The following CHD7 variants were observed in gnomAD, a reference collection of about 807,000 sequenced individuals.
CHD7 encodes chromodomain helicase DNA binding protein 7.
A neutral mutation model predicts 307.3 loss-of-function variants in CHD7; 24 were observed. That is an observed-to-expected ratio of 0.08 (90% confidence interval 0.06 to 0.11). CHD7 has a LOEUF of 0.11. Among genes scored for constraint, CHD7 ranks in the 10% least tolerant of loss-of-function variants. The probability of loss-of-function intolerance (pLI) is 1.00; values close to 1 mark genes in which losing one functional copy is unlikely to be tolerated. For missense variants in CHD7, 3,106 were observed against 3,727.1 expected (o/e 0.83, Z 4.34); for synonymous variants, 1,363 against 1,349.9 (o/e 1.01, Z -0.21).
Position 60,781,206 on chromosome 8 carries a change from A to G in CHD7, c.1872A>G (p.Val624=), listed in dbSNP as rs1811210003. 6.3e-7 allele frequency: 1 copy of G among 1,598,176 alleles called. No homozygotes were observed. ...GTAAAGATGACTTCCCTGGTGGGGT[A>G]GATAACCAAGAACTAAATAGGAACT... ...GFGKDDFPGG[V]DNQELNRNSL... is the part of the protein sequence containing the mutation. Residue 624 remains valine, a synonymous_variant, in exon 3 of 38, where the codon GTA becomes GTG. Coordinates refer to ENST00000423902, the MANE Select transcript of CHD7 (RefSeq NM_017780.4).
intron 3 of CHD7, among the ~76,000 whole-genome samples, chr8:60,786,835 C>T (rs1025708892): frequency 1.3e-5 from 2 of 152,098 alleles, no homozygotes; most frequent in Non-Finnish European, 2.9e-5. Flanking sequence ...GCAGTTTGCA[C>T]CTGATATGTA....
At chr8:60,699,182 T>C (rs890915129) in intron 1 of CHD7, among the ~76,000 whole-genome samples, 2 of 152,250 alleles carry the variant, frequency 1.3e-5, no homozygotes, top group Non-Finnish European at 2.9e-5. Flanking sequence ...CAACTACCTA[T>C]AGAACATTTT....
chr8:60,688,180 G>A (rs912772240), intron 1 of CHD7, among the ~76,000 whole-genome samples: 2 of 152,200 alleles, frequency 1.3e-5, no homozygotes, highest in African/African-American at 4.8e-5. Context: ...TGTGGAGGTT[G>A]CCTTCTGAGG....
intron 2 of CHD7, among the ~76,000 whole-genome samples, chr8:60,749,972 G>A (rs1809552891): frequency 6.6e-6 from 1 of 152,162 alleles, no homozygotes; most frequent in Admixed American, 6.5e-5. Context: ...CAACAAGCTG[G>A]TTTATCCCAG....
chr8:60,855,899 C>A, intron 32 of CHD7, 76 bp from the exon 33 acceptor site: 1 of 954,458 alleles, frequency 1.0e-6, no homozygotes, highest in Non-Finnish European at 1.6e-6. Context: ...TCTTTTGCAT[C>A]TTGATGGATG....
rs1230929026 is a variant in CHD7, at chr8:60,712,286, CTG to C, written c.-174-28972_-174-28971del. On this transcript the variant is annotated intron_variant, in intron 1 of 37. Coordinates refer to ENST00000423902, the MANE Select transcript of CHD7 (RefSeq NM_017780.4). ...TATTATTTTTTGAAATGTTTGTTGA[CTG>C]AACTTCTACAGCTTAATCACGGAGG... Among the ~76,000 whole-genome samples, 3 of 152,252 alleles carry C rather than the reference CTG, an allele frequency of 2.0e-5. No homozygotes were observed. In the East Asian group the frequency reaches 5.8e-4, roughly 29 times the overall value.
At chr8:60,727,404 C>T (rs558755815) in intron 1 of CHD7, among the ~76,000 whole-genome samples, 46 of 152,316 alleles carry the variant, frequency 3.0e-4, no homozygotes, top group African/African-American at 9.6e-4. Flanking sequence ...GTTGAGATTA[C>T]AGGCATGAGC....
At position 60,865,363 on chromosome 8, in the gene CHD7, C is replaced by A. The variant is rs773594482; in HGVS notation, c.8424C>A (p.Asn2808Lys). 1.2e-6 allele frequency: 2 copies of A among 1,611,680 alleles called. No individual in the cohort carries two copies. The highest frequency in any genetic ancestry group is 4.5e-5 in the East Asian group (2 of 44,812). ...LMLPGMAGLP[N>K]VFGLGGLLNN... ...TGCCAGGAATGGCGGGCCTGCCCAA[C>A]GTGTTTGGCTTGGGCGGGCTGTTGA... Residue 2808 changes from asparagine (N) to lysine (K), a missense_variant, in exon 38 of 38, where the codon AAC (asparagine) becomes AAA (lysine). Physicochemically the swap from Asn to Lys is moderately conservative, Grantham distance 94. Transcript: ENST00000423902. This position sits in a 1 kb window ranked among gnomAD's most constrained non-coding sequence, Gnocchi z 4.3.
chr8:60,758,370 C>A (rs1186715136), intron 2 of CHD7, among the ~76,000 whole-genome samples: 2 of 152,134 alleles, frequency 1.3e-5, no homozygotes, highest in African/African-American at 4.8e-5. Flanking sequence ...CTGATCCGCA[C>A]CCCTTGGCCT....
chr8:60,776,362 T>C (rs952125252), intron 2 of CHD7, among the ~76,000 whole-genome samples: 1 of 152,228 alleles, frequency 6.6e-6, no homozygotes, highest in East Asian at 1.9e-4. Flanking sequence ...AATTAAAGTT[T>C]ATTACCCCAG....
intron 9 of CHD7, among the ~76,000 whole-genome samples, chr8:60,821,197 A>G (rs2150747243): frequency 6.6e-6 from 1 of 152,320 alleles, no homozygotes; most frequent in South Asian, 2.1e-4. Context: ...ATATGCTAAG[A>G]TGATTTACCA....
rs548307846 is a variant in CHD7 at position 60,850,387 on chromosome 8, C to G, written c.5405-106C>G. On this transcript the variant is annotated intron_variant, in intron 25 of 37. Transcript: ENST00000423902. ...ACTTGGATTCAACAGAGATGCTAAC[C>G]TTGACTGAAAAACAAACTTGTGTTG... is the stretch of plus-strand genomic sequence containing the variant. The G allele has an allele frequency of 2.2e-6, 3 of 1,381,656 alleles. No individual in the cohort carries two copies. In the South Asian group the frequency reaches 4.5e-5, roughly 21 times the overall value. The allele number at this position is 1,381,656 out of a possible 1,614,324, so 85.6% of individuals were successfully genotyped here.
At chr8:60,705,291 T>C (rs1192327254) in intron 1 of CHD7, among the ~76,000 whole-genome samples, 2 of 152,224 alleles carry the variant, frequency 1.3e-5, no homozygotes, top group African/African-American at 4.8e-5. Flanking sequence ...CACAGTTAGC[T>C]ATCAGAGGGG....
At chr8:60,786,463 C>A (rs1406068509) in intron 3 of CHD7, among the ~76,000 whole-genome samples, 1 of 152,226 alleles carries the variant, frequency 6.6e-6, no homozygotes, top group Non-Finnish European at 1.5e-5. Context: ...TGTTTCTGCC[C>A]ATCCAGTGAA....
At chr8:60,765,215 AC>A (rs1810408492) in intron 2 of CHD7, among the ~76,000 whole-genome samples, 1 of 150,556 alleles carries the variant, frequency 6.6e-6, no homozygotes, top group African/African-American at 2.4e-5. Flanking sequence ...ACACACACAC[AC>A]ACACACACAC....
chr8:60,853,548 G>T, intron 31 of CHD7, 48 bp downstream of exon 31: 1 of 1,420,740 alleles, frequency 7.0e-7, no homozygotes, highest in South Asian at 1.6e-5. Flanking sequence ...GCAGCTGGTT[G>T]TGAGATGCGT....
intron 1 of CHD7, among the ~76,000 whole-genome samples, chr8:60,711,612 G>T (rs1284531038): frequency 6.6e-6 from 1 of 152,230 alleles, no homozygotes; most frequent in East Asian, 1.9e-4. Context: ...TAATTGTGGG[G>T]CAGCTCCAAC....
chr8:60,701,858 T>C (rs1806778392), intron 1 of CHD7, among the ~76,000 whole-genome samples: 1 of 152,216 alleles, frequency 6.6e-6, no homozygotes, highest in Non-Finnish European at 1.5e-5. Flanking sequence ...TTAATTTTTC[T>C]GTAGGGCACA....
In CHD7 at chr8:60,781,250, A is replaced by G; in HGVS notation, c.1916A>G (p.Glu639Gly). ...LNRNSLDGSQ[E>G]EKKKKKRSKA... ...AGGAACTCACTGGATGGGTCCCAAG[A>G]AGAAAAAAAGAAAAAGAAAAGGTCA... Residue 639 changes from glutamate (E) to glycine (G), a missense_variant, in exon 3 of 38, where the codon GAA becomes GGA. By Grantham distance (98) the Glu-to-Gly change is moderately conservative (BLOSUM62 -2). Coordinates refer to ENST00000423902, the MANE Select transcript of CHD7 (RefSeq NM_017780.4). The G allele has an allele frequency of 6.4e-7, 1 of 1,568,648 alleles. No homozygotes were observed. Among genetic ancestry groups the G allele is most frequent in the Non-Finnish European group, 8.6e-7 (1 of 1,156,570 alleles).
Sources: allele counts gnomAD v4.1 joint callset (sites outside exome capture counted in the v4.1 genomes callset), GRCh38; gene constraint gnomAD v4.1.1; non-coding constraint Gnocchi (gnomAD v3.1); transcripts MANE v1.5; gene names NCBI Gene and HGNC (gene_info 2026-07-23, HGNC 2026-07-21).